Variants in DISC1 observed in about 807,000 individuals in gnomAD.
DISC1 encodes DISC1 scaffold protein.
A neutral mutation model predicts 84.5 loss-of-function variants in DISC1; 57 were observed. The observed-to-expected ratio is 0.67, with a 90% CI of 0.55 to 0.84. DISC1 has a LOEUF of 0.84. Ranked by LOEUF, DISC1 falls within the 40% of genes least tolerant of loss-of-function variation. The pLI, the probability that DISC1 is intolerant of heterozygous loss-of-function variation, is 0.00. For synonymous variants in DISC1, 411 were observed against 415.2 expected, an observed-to-expected ratio of 0.99 and a Z score of 0.12; for missense variants, 1,000 against 1,057.8, an observed-to-expected ratio of 0.95 and a Z score of 0.76.
intron 9 of DISC1, among the ~76,000 whole-genome samples, chr1:231,952,090 C>CAAAAA (rs11392611): frequency 7.4e-3 from 377 of 50,876 alleles, no homozygotes; most frequent in Middle Eastern, 0.015. Context: ...CTCAATGTCT[C>CAAAAA]AAAAAAAAAA....
intron 11 of DISC1, among the ~76,000 whole-genome samples, chr1:232,018,164 A>C (rs1402003196): frequency 6.6e-6 from 1 of 152,240 alleles, no homozygotes; most frequent in Non-Finnish European, 1.5e-5. Context: ...GAATAGAAAT[A>C]ATAAATATGA....
At chr1:231,853,673 A>T (rs200952165) in intron 9 of DISC1, among the ~76,000 whole-genome samples, 5 of 152,114 alleles carry the variant, frequency 3.3e-5, no homozygotes, top group Non-Finnish European at 7.4e-5. Context: ...CTGACTGGTG[A>T]GGAAGGTACT....
At position 231,626,953 on chromosome 1, in the gene DISC1, A is replaced by G; in HGVS notation, c.67+19A>G. On this transcript the variant is annotated intron_variant, in intron 1 of 12. Coordinates refer to ENST00000439617, the MANE Select transcript of DISC1 (RefSeq NM_018662.3). ...CGCGCAGGTAGGGGAGCTGCCACAG[A>G]GTCCTAGCACGTCCTGGGGGGGTCC... 6.7e-7 allele frequency: 1 copy of G among 1,494,492 alleles called. No individual in the cohort carries two copies. The highest frequency in any genetic ancestry group is 8.9e-7 in the Non-Finnish European group (1 of 1,128,192). 92.6% of individuals were successfully genotyped at this position (1,494,492 alleles called of 1,614,324 possible).
rs11410909 is a variant in DISC1 at position 231,903,068 on chromosome 1, A to ATT, written c.1982-55748_1982-55747dup. On this transcript the variant is annotated intron_variant, in intron 9 of 12. Coordinates refer to ENST00000439617, the MANE Select transcript of DISC1 (RefSeq NM_018662.3). ...TCCTCCTCCACCTTTTCTCTCTCTCATTTTTTTTTTTTTGACAGAGTCATA... is the reference window on the plus strand; with the variant it reads ...TCCTCCTCCACCTTTTCTCTCTCTCATTTTTTTTTTTTTTTGACAGAGTCATA... Among the ~76,000 whole-genome samples the ATT allele has an allele frequency of 1.5e-3, 199 of 135,072 alleles. 1 individual carries two copies. The highest frequency in any genetic ancestry group is 3.4e-3 in the South Asian group (14 of 4,096). The allele number at this position is 135,072 out of a possible 152,430, so 88.6% of individuals were successfully genotyped here.
chr1:231,838,189 A>G (rs1251589863), intron 9 of DISC1, among the ~76,000 whole-genome samples: 1 of 152,208 alleles, frequency 6.6e-6, no homozygotes, highest in Non-Finnish European at 1.5e-5. Flanking sequence ...GCTTTAATTT[A>G]AAAAATTAAT....
chr1:231,784,133 C>G (rs748287886), intron 6 of DISC1, among the ~76,000 whole-genome samples: 2 of 152,038 alleles, frequency 1.3e-5, no homozygotes, highest in South Asian at 4.2e-4. Context: ...CATGGTGGTG[C>G]GCACCTGTAA....
intron 9 of DISC1, among the ~76,000 whole-genome samples, chr1:231,849,199 C>G (rs1317643494): frequency 1.3e-5 from 2 of 150,556 alleles, no homozygotes; most frequent in Non-Finnish European, 2.9e-5. Context: ...CGGCTCACTG[C>G]AACCTCTGCC....
rs561398600 is a variant in DISC1, at chr1:231,916,192, G to A, written c.1982-42636G>A. ...ACTTGGGGGGCTTTGTAGCATCAAC[G>A]GGTCAGAATTTCTTAGAGGCATTCT... On this transcript the variant is annotated intron_variant, in intron 9 of 12. Transcript: ENST00000439617. Among the ~76,000 whole-genome samples the A allele has an allele frequency of 3.9e-5, 6 of 152,258 alleles. No homozygotes were observed. In the East Asian group the frequency reaches 1.2e-3, roughly 29 times the overall value.
intron 10 of DISC1, among the ~76,000 whole-genome samples, chr1:232,001,115 C>G (rs1666627074): frequency 6.6e-6 from 1 of 151,854 alleles, no homozygotes; most frequent in East Asian, 1.9e-4. Context: ...GAGTCTCACT[C>G]TCACCCAGGC....
chr1:231,976,621 T>C (rs1221828384), intron 10 of DISC1, among the ~76,000 whole-genome samples: 1 of 152,188 alleles, frequency 6.6e-6, no homozygotes, highest in Admixed American at 6.5e-5. Flanking sequence ...CCACTTACTT[T>C]CCTGGGATAG....
At chr1:231,852,490 A>T (rs950874194) in intron 9 of DISC1, among the ~76,000 whole-genome samples, 17 of 152,250 alleles carry the variant, frequency 1.1e-4, no homozygotes, top group African/African-American at 4.1e-4. Context: ...TTTCTTAAAC[A>T]CATTACTCTT....
At chr1:231,816,465 G>C (rs999252372) in intron 8 of DISC1, among the ~76,000 whole-genome samples, 1 of 151,936 alleles carries the variant, frequency 6.6e-6, no homozygotes, top group Non-Finnish European at 1.5e-5. Context: ...AGTGTTTTCT[G>C]TATCTTATCT....
At chr1:231,716,742 C>T (rs1027224377) in intron 3 of DISC1, among the ~76,000 whole-genome samples, 2 of 152,104 alleles carry the variant, frequency 1.3e-5, no homozygotes, top group South Asian at 4.1e-4. Flanking sequence ...GCAGAGAAGG[C>T]TAAGGTGTAA....
At chr1:232,027,744 C>T (rs1048957286) in intron 12 of DISC1, among the ~76,000 whole-genome samples, 2 of 151,536 alleles carry the variant, frequency 1.3e-5, no homozygotes, top group Non-Finnish European at 2.9e-5. Flanking sequence ...CTTTGCTTGT[C>T]ATTGCTGTCT....
At chr1:231,867,873 C>T (rs2085173309) in intron 9 of DISC1, among the ~76,000 whole-genome samples, 1 of 152,226 alleles carries the variant, frequency 6.6e-6, no homozygotes. Context: ...GAATCATCAG[C>T]TTGGTTAAGA....
At chr1:231,763,817 G>C (rs1332910482) in intron 4 of DISC1, among the ~76,000 whole-genome samples, 2 of 152,174 alleles carry the variant, frequency 1.3e-5, no homozygotes, top group African/African-American at 4.8e-5. Flanking sequence ...GAAGAACCAA[G>C]AACTGTTTAG....
chr1:231,733,619 TG>T (rs1199485002), intron 3 of DISC1, among the ~76,000 whole-genome samples: 2 of 148,966 alleles, frequency 1.3e-5, no homozygotes, highest in African/African-American at 2.5e-5. Context: ...ATGGTAGGAG[TG>T]GTGGTGGTTG....
chr1:231,678,732 A>T (rs2063399997), intron 1 of DISC1, among the ~76,000 whole-genome samples: 1 of 152,032 alleles, frequency 6.6e-6, no homozygotes, highest in Non-Finnish European at 1.5e-5. Flanking sequence ...CAGTGGCCTG[A>T]TCGGCTCACT....
intron 9 of DISC1, among the ~76,000 whole-genome samples, chr1:231,865,358 T>A (rs2084975703): frequency 6.6e-6 from 1 of 152,258 alleles, no homozygotes; most frequent in Admixed American, 6.5e-5. Flanking sequence ...GTGATTGTGT[T>A]ACACTGGTTT....
Sources: allele counts gnomAD v4.1 joint callset (sites outside exome capture counted in the v4.1 genomes callset), GRCh38; gene constraint gnomAD v4.1.1; transcripts MANE v1.5; gene names NCBI Gene and HGNC (gene_info 2026-07-23, HGNC 2026-07-21).